SLIT3: variants seen among roughly 807,000 people sequenced by gnomAD.
SLIT3 encodes the protein slit guidance ligand 3.
Under a neutral mutation model 184.0 loss-of-function variants are expected in SLIT3, and 68 were observed. The observed-to-expected ratio is 0.37, with a 90% CI of 0.30 to 0.45. The LOEUF (loss-of-function observed/expected upper bound fraction) is 0.45, where lower values mean the gene tolerates loss of function less well. Among genes scored for constraint, SLIT3 ranks in the 20% least tolerant of loss-of-function variants. The pLI is 1.00. For missense variants in SLIT3, 1,707 were observed against 2,026.0 expected, an observed-to-expected ratio of 0.84 and a Z score of 3.02; for synonymous variants, 831 against 828.6, an observed-to-expected ratio of 1.00 and a Z score of -0.05.
Position 168,900,584 on chromosome 5 carries a change from C to T in SLIT3, c.414-17248G>A, listed in dbSNP as rs191003560. 3.9e-5 allele frequency among the ~76,000 whole-genome samples: 6 copies of T among 152,192 alleles called. No individual in the cohort carries two copies. In the East Asian group the frequency reaches 1.2e-3, roughly 29 times the overall value. On this transcript the variant is annotated intron_variant, in intron 4 of 35. Coordinates refer to ENST00000519560, the MANE Select transcript of SLIT3 (RefSeq NM_003062.4). ...GAGCCTAGATTGTGCCATTGCACTC[C>T]AGCCTGGGAGATGGGAGTGAAACCC...
intron 4 of SLIT3, among the ~76,000 whole-genome samples, chr5:169,142,766 C>G (rs1761788647): frequency 6.6e-6 from 1 of 152,212 alleles, no homozygotes; most frequent in African/African-American, 2.4e-5. Context: ...ACTCCTCACT[C>G]CAACCATGAG....
At chr5:169,236,553 C>T (rs555683096) in intron 3 of SLIT3, among the ~76,000 whole-genome samples, 4 of 152,018 alleles carry the variant, frequency 2.6e-5, no homozygotes, top group African/African-American at 9.6e-5. Context: ...TCACTACAAC[C>T]TCTGCCACCT....
chr5:168,965,563 C>G (rs1331433708), intron 4 of SLIT3, among the ~76,000 whole-genome samples: 1 of 152,218 alleles, frequency 6.6e-6, no homozygotes, highest in Non-Finnish European at 1.5e-5. Flanking sequence ...GTTCTGCCTA[C>G]TCACACATGG....
At chr5:169,044,115 T>C (rs1782053479) in intron 4 of SLIT3, among the ~76,000 whole-genome samples, 1 of 152,194 alleles carries the variant, frequency 6.6e-6, no homozygotes, top group Non-Finnish European at 1.5e-5. Context: ...AGGATGTCTA[T>C]GCTAAAAATG....
intron 4 of SLIT3, among the ~76,000 whole-genome samples, chr5:169,187,997 G>A (rs1043283812): frequency 2.6e-5 from 4 of 152,220 alleles, no homozygotes; most frequent in Non-Finnish European, 4.4e-5. Flanking sequence ...TCACTCTGTC[G>A]CCCAAGCTGG....
chr5:169,211,498 A>G (rs181362816), intron 3 of SLIT3, among the ~76,000 whole-genome samples: 213 of 152,204 alleles, frequency 1.4e-3, no homozygotes, highest in African/African-American at 4.8e-3. Flanking sequence ...GTTACCCCTC[A>G]AAATTCACCT....
At chr5:169,137,020 C>A (rs1456079720) in intron 4 of SLIT3, among the ~76,000 whole-genome samples, 2 of 152,148 alleles carry the variant, frequency 1.3e-5, no homozygotes, top group African/African-American at 4.8e-5. Flanking sequence ...CCACACCTGG[C>A]CAGTTTCTTT....
chr5:168,932,415 G>C (rs1459327766), intron 4 of SLIT3, among the ~76,000 whole-genome samples: 1 of 149,438 alleles, frequency 6.7e-6, no homozygotes, highest in Non-Finnish European at 1.5e-5. Context: ...CACACACACA[G>C]AGATTTCTTC....
intron 4 of SLIT3, among the ~76,000 whole-genome samples, chr5:169,147,484 C>T (rs1761965448): frequency 6.6e-6 from 1 of 152,172 alleles, no homozygotes; most frequent in African/African-American, 2.4e-5. Context: ...TGGTCTCAAT[C>T]TCCTGACCTC....
intron 35 of SLIT3, among the ~76,000 whole-genome samples, chr5:168,669,260 G>A (rs532659337): frequency 6.6e-6 from 1 of 152,334 alleles, no homozygotes; most frequent in East Asian, 1.9e-4. Context: ...TACAAGACAA[G>A]TGGCTTACTC....
At chr5:168,738,526 A>AT (rs1233252000) in intron 20 of SLIT3, among the ~76,000 whole-genome samples, 2 of 152,194 alleles carry the variant, frequency 1.3e-5, no homozygotes, top group Non-Finnish European at 2.9e-5. Context: ...TGGCTTTTAC[A>AT]TTTTTTCATG....
intron 4 of SLIT3, among the ~76,000 whole-genome samples, chr5:169,114,448 A>G (rs1760570629): frequency 6.6e-6 from 1 of 152,170 alleles, no homozygotes; most frequent in African/African-American, 2.4e-5. Flanking sequence ...CCTCAACACT[A>G]TTCTACACTG....
chr5:169,181,253 T>C (rs1399161898), intron 4 of SLIT3, among the ~76,000 whole-genome samples: 1 of 152,242 alleles, frequency 6.6e-6, no homozygotes, highest in African/African-American at 2.4e-5. Flanking sequence ...TCTTCATTTA[T>C]CTGTCTGGGA....
intron 4 of SLIT3, among the ~76,000 whole-genome samples, chr5:168,991,218 C>T (rs1173289744): frequency 6.6e-6 from 1 of 152,182 alleles, no homozygotes; most frequent in East Asian, 1.9e-4. Flanking sequence ...TGGGGGGTTT[C>T]ATAAAGATTG....
At chr5:169,110,382 T>C (rs1411256123) in intron 4 of SLIT3, among the ~76,000 whole-genome samples, 2 of 152,214 alleles carry the variant, frequency 1.3e-5, no homozygotes, top group Non-Finnish European at 2.9e-5. Flanking sequence ...TTCTGGAGGC[T>C]GGAGGTCCAA....
chr5:168,940,143 G>T (rs918866796), intron 4 of SLIT3, among the ~76,000 whole-genome samples: 1 of 152,324 alleles, frequency 6.6e-6, no homozygotes, highest in East Asian at 1.9e-4. Flanking sequence ...CTAACAGAGG[G>T]TAATAGCCCT....
At chr5:168,847,450 A>G (rs1306649883) in intron 5 of SLIT3, among the ~76,000 whole-genome samples, 1 of 152,190 alleles carries the variant, frequency 6.6e-6, no homozygotes, top group African/African-American at 2.4e-5. Context: ...GGGGCCCCAT[A>G]AGGTAAACAA....
At chr5:168,962,963 C>T (rs981017257) in intron 4 of SLIT3, among the ~76,000 whole-genome samples, 6 of 152,180 alleles carry the variant, frequency 3.9e-5, no homozygotes, top group East Asian at 1.9e-4. Context: ...CAAGTCTCCC[C>T]GAAACTGTCC....
At chr5:169,184,412 A>G (rs1763267923) in intron 4 of SLIT3, among the ~76,000 whole-genome samples, 1 of 152,244 alleles carries the variant, frequency 6.6e-6, no homozygotes, top group African/African-American at 2.4e-5. Flanking sequence ...GCAAGCATAA[A>G]AACACCTTTC....
Sources: gnomAD v4.1 joint callset for allele counts (sites outside exome capture counted in the v4.1 genomes callset) on GRCh38, gnomAD v4.1.1 for gene constraint, MANE v1.5 for transcripts, NCBI Gene and HGNC (gene_info 2026-07-23, HGNC 2026-07-21) for gene names.